Variants in SMIM8 observed in about 807,000 individuals in gnomAD.
The protein encoded by SMIM8 is UPF0708 protein C6orf162.
SMIM8 carries 8 observed loss-of-function variants against 8.1 expected under a neutral mutation model. The ratio of observed to expected loss-of-function variants is 0.99; its 90% CI spans 0.58 to 1.78. The LOEUF is 1.78. Ranked by LOEUF, SMIM8 falls within the 40% of genes most tolerant of loss-of-function variation. The probability of loss-of-function intolerance (pLI) is 0.00; values close to 1 mark genes in which losing one functional copy is unlikely to be tolerated. For synonymous variants in SMIM8, 45 were observed against 39.7 expected (o/e 1.13, Z -0.50); for missense variants, 126 against 119.8 (o/e 1.05, Z -0.24).
chr6:87,331,627 A>G (rs528931860), intron 2 of SMIM8, among the ~76,000 whole-genome samples: 254 of 152,316 alleles, frequency 1.7e-3, no homozygotes, highest in African/African-American at 5.7e-3. Flanking sequence ...GTTGTTTTTA[A>G]AATAGTTATA....
rs1777229503 is a variant in SMIM8, at chr6:87,341,350, G to GA, written c.*1078dup. The stretch of plus-strand genomic sequence containing the variant: ...TACGGTCAGTACCCACTGGAGGTGA[G>GA]AAGCAGAATGGCCTTGGTTGTCCTG... On this transcript the variant is annotated 3_prime_UTR_variant, in exon 4 of 4. Coordinates refer to ENST00000392863, the MANE Select transcript of SMIM8 (RefSeq NM_001042493.3). 1 of 397,368 alleles carries GA rather than the reference G, an allele frequency of 2.5e-6. No homozygotes were observed. Among genetic ancestry groups the GA allele is most frequent in the Non-Finnish European group, 4.4e-6 (1 of 225,774 alleles). 24.6% of individuals were successfully genotyped at this position (397,368 alleles called of 1,614,324 possible). A position where few individuals can be genotyped will look rare whatever the true frequency, so the allele number is the denominator to read the frequency against.
chr6:87,330,332 T>C (rs1776965148), intron 1 of SMIM8, among the ~76,000 whole-genome samples: 1 of 152,234 alleles, frequency 6.6e-6, no homozygotes, highest in South Asian at 2.1e-4. Flanking sequence ...TTGTTTTGTC[T>C]TCTATTGAGG....
At chr6:87,332,204 T>C (rs941863885) in intron 2 of SMIM8, among the ~76,000 whole-genome samples, 2 of 151,794 alleles carry the variant, frequency 1.3e-5, no homozygotes, top group Non-Finnish European at 2.9e-5. Context: ...ATATTTCATA[T>C]AGGTTGAATT....
chr6:87,329,845 G>T (rs563278169), intron 1 of SMIM8, among the ~76,000 whole-genome samples: 1 of 152,264 alleles, frequency 6.6e-6, no homozygotes, highest in African/African-American at 2.4e-5. Context: ...GGGTTTAGAA[G>T]GGGGAGTTAG....
intron 2 of SMIM8, among the ~76,000 whole-genome samples, chr6:87,335,447 G>A (rs1366016980): frequency 1.3e-5 from 2 of 152,158 alleles, no homozygotes; most frequent in East Asian, 3.8e-4. Context: ...ATATGCATGA[G>A]GAATAAGTGA....
At position 87,327,489 on chromosome 6, in the gene SMIM8, T is replaced by G. The variant is rs532918652; in HGVS notation, c.-44-3203T>G. 9.4e-3 allele frequency among the ~76,000 whole-genome samples: 1,428 copies of G among 151,298 alleles called. 17 individuals are homozygous for G. The highest frequency in any genetic ancestry group is 0.032 in the African/African-American group (1,322 of 41,286). On this transcript the variant is annotated intron_variant, in intron 1 of 3. Transcript: ENST00000392863. ...TCTCAGCATTTGCTTGTCTGTAAAG[T>G]ATTTTATTTCTCCTTCACTTATGAA... is the stretch of plus-strand genomic sequence containing the variant.
At chr6:87,323,440 A>G (rs1420887133) in intron 1 of SMIM8, among the ~76,000 whole-genome samples, 2 of 102,868 alleles carry the variant, frequency 1.9e-5, no homozygotes, top group Non-Finnish European at 3.7e-5. Context: ...CCACCCCACA[A>G]CAGACCTCAG....
chr6:87,332,312 T>TC lies in SMIM8; in HGVS notation c.-24+1608dup, dbSNP rs1278662328. On this transcript the variant is annotated intron_variant, in intron 2 of 3. Transcript: ENST00000392863. ...TCTCTTTCTCTTTCTCCTCCTCTCCTCCCCCCCCATATATGTATATATATA... is the reference window on the plus strand; with the variant it reads ...TCTCTTTCTCTTTCTCCTCCTCTCCTCCCCCCCCCATATATGTATATATATA... 9.0e-3 allele frequency among the ~76,000 whole-genome samples: 1,018 copies of TC among 112,772 alleles called. 19 individuals are homozygous for TC. The highest frequency in any genetic ancestry group is 0.033 in the African/African-American group (935 of 28,558). 74.0% of individuals were successfully genotyped at this position (112,772 alleles called of 152,430 possible).
chr6:87,329,288 GT>G, intron 1 of SMIM8: 1 of 153,046 alleles, frequency 6.5e-6, no homozygotes. Flanking sequence ...CTCTTGTTTT[GT>G]TTTTAGACAG....
chr6:87,337,302 G>A (rs1034834203), intron 3 of SMIM8, 136 bp downstream of exon 3: 3 of 919,682 alleles, frequency 3.3e-6, no homozygotes, highest in Admixed American at 3.0e-5. Context: ...AAAAGCAGGT[G>A]GAAGGACGAT....
chr6:87,337,853 C>A (rs1162607448), intron 3 of SMIM8, among the ~76,000 whole-genome samples: 1 of 152,146 alleles, frequency 6.6e-6, no homozygotes, highest in Admixed American at 6.5e-5. Context: ...GTTTTGAACT[C>A]CTGGCCTTAA....
At chr6:87,336,503 T>G (rs1041276978) in intron 2 of SMIM8, among the ~76,000 whole-genome samples, 2 of 152,070 alleles carry the variant, frequency 1.3e-5, no homozygotes, top group Admixed American at 1.3e-4. Context: ...AGTTCGTGTG[T>G]GGGCTAGTGG....
intron 2 of SMIM8, among the ~76,000 whole-genome samples, chr6:87,334,145 C>A (rs943581897): frequency 6.6e-6 from 1 of 152,222 alleles, no homozygotes; most frequent in African/African-American, 2.4e-5. Context: ...CCAAGCCATT[C>A]ATGAGGGATC....
chr6:87,332,118 A>G (rs1777007702), intron 2 of SMIM8, among the ~76,000 whole-genome samples: 1 of 152,060 alleles, frequency 6.6e-6, no homozygotes, highest in East Asian at 1.9e-4. Context: ...AAAGGAGATC[A>G]AGCAATCTTA....
In SMIM8 at chr6:87,340,268, G is replaced by A; in HGVS notation, c.288G>A (p.Trp96Ter). ...HSYMRRKTSK[W>*]D The stretch of plus-strand genomic sequence containing the variant: ...ATATGAGGCGGAAAACATCCAAATG[G>A]GATTAGTAGTGCTGGTTAGTGCAGA... The change falls in exon 4 of 4, where the codon TGG becomes TGA. Residue 96 changes from tryptophan to a stop codon, truncating the protein, a stop_gained. Transcript: ENST00000392863. LOFTEE classifies it high-confidence loss of function. 6.3e-7 allele frequency: 1 copy of A among 1,593,788 alleles called. No homozygotes were observed. The highest frequency in any genetic ancestry group is 8.5e-7 in the Non-Finnish European group (1 of 1,173,474).
Position 87,336,959 on chromosome 6 carries a change from A to G in SMIM8, c.-23-50A>G, listed in dbSNP as rs532492234. On this transcript the variant is annotated intron_variant, in intron 2 of 3. Transcript: ENST00000392863. ...TAAGAATTACTTTTTAAAGAAATTT[A>G]TCAGAGAAGCACAATTATGAAGGGA... 19 of 1,405,542 alleles carry G rather than the reference A, an allele frequency of 1.4e-5. 2 individuals carry two copies. The highest frequency in any genetic ancestry group is 8.7e-5 in the African/African-American group (6 of 68,654). 87.1% of individuals were successfully genotyped at this position (1,405,542 alleles called of 1,614,324 possible). A position where few individuals can be genotyped will look rare whatever the true frequency, so the allele number is the denominator to read the frequency against.
Position 87,330,166 on chromosome 6 carries a change from T to G in SMIM8, c.-44-526T>G, listed in dbSNP as rs142193341. 4.6e-5 allele frequency among the ~76,000 whole-genome samples: 7 copies of G among 152,336 alleles called. No individual in the cohort carries two copies. In the East Asian group the frequency reaches 1.3e-3, roughly 29 times the overall value. On this transcript the variant is annotated intron_variant, in intron 1 of 3. Transcript: ENST00000392863. Reference sequence around the variant, plus strand: ...TGCCCCAAAGTTCAAGTTAGTTTCTTAAGTATTAAGATAATGTGGCATGTG... The same window carrying G: ...TGCCCCAAAGTTCAAGTTAGTTTCTGAAGTATTAAGATAATGTGGCATGTG...
intron 2 of SMIM8, 22 bp downstream of exon 2, chr6:87,330,734 A>G (rs2127920887): frequency 6.6e-6 from 1 of 152,296 alleles, no homozygotes; most frequent in African/African-American, 2.4e-5. Context: ...TTTACCAGAG[A>G]GAAACAAATG....
intron 1 of SMIM8, among the ~76,000 whole-genome samples, chr6:87,328,535 C>T (rs1776899691): frequency 6.6e-6 from 1 of 150,888 alleles, no homozygotes; most frequent in Non-Finnish European, 1.5e-5. Flanking sequence ...TCTGCCCCTG[C>T]TGGAGGCTGC....
Sources: gnomAD v4.1 joint callset for allele counts (sites outside exome capture counted in the v4.1 genomes callset) on GRCh38, gnomAD v4.1.1 for gene constraint, MANE v1.5 for transcripts, NCBI Gene and HGNC (gene_info 2026-07-23, HGNC 2026-07-21) for gene names.